Variants in ATP8A1 observed in about 807,000 individuals in gnomAD.
The protein encoded by ATP8A1 is phospholipid-transporting ATPase IA.
A neutral mutation model predicts 177.7 loss-of-function variants in ATP8A1; 90 were observed. That is an observed-to-expected ratio of 0.51 (90% CI 0.43 to 0.60). The LOEUF is 0.60. Among genes scored for constraint, ATP8A1 ranks in the 20% least tolerant of loss-of-function variants. The probability of loss-of-function intolerance (pLI) is 0.00; values close to 1 mark genes in which losing one functional copy is unlikely to be tolerated. For missense variants in ATP8A1, 1,072 were observed against 1,392.8 expected, an observed-to-expected ratio of 0.77 and a Z score of 3.67; for synonymous variants, 493 against 485.9, an observed-to-expected ratio of 1.01 and a Z score of -0.19.
intron 30 of ATP8A1, among the ~76,000 whole-genome samples, chr4:42,449,368 T>C (rs755376401): frequency 8.5e-5 from 13 of 152,236 alleles, no homozygotes; most frequent in Non-Finnish European, 1.3e-4. Flanking sequence ...TGAAACCTAG[T>C]GCATGACGGT....
At chr4:42,570,205 A>G (rs1731765895) in intron 14 of ATP8A1, among the ~76,000 whole-genome samples, 2 of 152,222 alleles carry the variant, frequency 1.3e-5, no homozygotes. Context: ...CTTCCAGTGC[A>G]GTATCCACTA....
rs111964223 is a variant in ATP8A1 at position 42,578,205 on chromosome 4, T to C, written c.1128+55A>G. On this transcript the variant is annotated intron_variant, in intron 12 of 36. Transcript: ENST00000381668. ...CCTTTTTTCTCCTGAGATATCAAAA[T>C]ATCCTAAGGACAAAATTATTTTGTA... is the stretch of plus-strand genomic sequence containing the variant. 7.5e-4 allele frequency: 1,090 copies of C among 1,459,274 alleles called. 16 individuals are homozygous for C. The African/African-American group carries it at 0.013, about 18-fold the overall frequency. The allele number at this position is 1,459,274 out of a possible 1,614,324, so 90.4% of individuals were successfully genotyped here.
intron 5 of ATP8A1, among the ~76,000 whole-genome samples, chr4:42,606,854 T>C (rs772798195): frequency 2.6e-5 from 4 of 152,206 alleles, no homozygotes; most frequent in Non-Finnish European, 5.9e-5. Context: ...TTTTATCAGA[T>C]ACAACCAGAT....
chr4:42,459,344 G>A (rs1718834006), intron 27 of ATP8A1: 1 of 168,720 alleles, frequency 5.9e-6, no homozygotes, highest in Non-Finnish European at 1.3e-5. Flanking sequence ...TTTCTCATTA[G>A]TACATAAATT....
intron 25 of ATP8A1, chr4:42,472,040 C>G (rs1578001302): frequency 2.8e-6 from 2 of 721,440 alleles, no homozygotes; most frequent in East Asian, 5.1e-5. Context: ...AAATCCAACT[C>G]TGGCTAGTAC....
intron 3 of ATP8A1, chr4:42,625,297 T>C (rs1737940840): frequency 1.1e-5 from 2 of 187,032 alleles, no homozygotes; most frequent in Admixed American, 6.1e-5. Flanking sequence ...AAGATTTAAC[T>C]TCTTGCATTC....
intron 25 of ATP8A1, chr4:42,472,088 C>T (rs1378365709): frequency 2.8e-6 from 2 of 710,572 alleles, no homozygotes; most frequent in East Asian, 2.6e-5. Context: ...AGCATGCTGT[C>T]TTTATTGCTC....
At chr4:42,436,794 C>T (rs2153172592) in intron 33 of ATP8A1, among the ~76,000 whole-genome samples, 1 of 152,286 alleles carries the variant, frequency 6.6e-6, no homozygotes, top group South Asian at 2.1e-4. Context: ...CAATAAATTA[C>T]CACATGCTAC....
chr4:42,583,987 C>T (rs532607785), intron 9 of ATP8A1, among the ~76,000 whole-genome samples: 15 of 152,248 alleles, frequency 9.9e-5, no homozygotes, highest in East Asian at 3.9e-4. Flanking sequence ...GTTCATGGAA[C>T]GATCACTCTG....
chr4:42,656,248 G>A (rs1741601486), intron 1 of ATP8A1, among the ~76,000 whole-genome samples: 1 of 152,210 alleles, frequency 6.6e-6, no homozygotes, highest in Non-Finnish European at 1.5e-5. Context: ...TCGGGCAAAA[G>A]GGAAACACAA....
chr4:42,457,961 C>T, intron 27 of ATP8A1, among the ~76,000 whole-genome samples: 1 of 152,108 alleles, frequency 6.6e-6, no homozygotes. Context: ...AAATGTATTT[C>T]CTGGATTTTT....
intron 25 of ATP8A1, among the ~76,000 whole-genome samples, chr4:42,481,832 A>C (rs1721700860): frequency 6.6e-6 from 1 of 152,244 alleles, no homozygotes; most frequent in South Asian, 2.1e-4. Flanking sequence ...ATCCGTGATC[A>C]CACCAAATCA....
At chr4:42,581,022 A>C (rs533893039) in intron 10 of ATP8A1, among the ~76,000 whole-genome samples, 1 of 152,354 alleles carries the variant, frequency 6.6e-6, no homozygotes, top group African/African-American at 2.4e-5. Flanking sequence ...GACTTGTAAT[A>C]ATCACTATAA....
At chr4:42,645,100 T>C (rs1351722844) in intron 1 of ATP8A1, among the ~76,000 whole-genome samples, 1 of 152,178 alleles carries the variant, frequency 6.6e-6, no homozygotes, top group Non-Finnish European at 1.5e-5. Flanking sequence ...AGAGTAGATA[T>C]AACACCAGCT....
chr4:42,533,125 C>T (rs1727448214), intron 20 of ATP8A1, among the ~76,000 whole-genome samples: 1 of 152,194 alleles, frequency 6.6e-6, no homozygotes, highest in Non-Finnish European at 1.5e-5. Context: ...ACCACATGAA[C>T]ATATCAGGAA....
At chr4:42,535,430 T>C (rs1727718885) in intron 20 of ATP8A1, among the ~76,000 whole-genome samples, 1 of 152,132 alleles carries the variant, frequency 6.6e-6, no homozygotes, top group African/African-American at 2.4e-5. Context: ...TAAATATATA[T>C]GCACTTAACA....
chr4:42,635,776 C>CATATATATATATATATATAT, intron 1 of ATP8A1, among the ~76,000 whole-genome samples: 1 of 37,212 alleles, frequency 2.7e-5, no homozygotes, highest in African/African-American at 1.2e-4. Context: ...CACACACACA[C>CATATATATATATATATATAT]ACACACATAT....
At position 42,472,789 on chromosome 4, in the gene ATP8A1, T is replaced by C. The variant is rs180798916; in HGVS notation, c.2325-7713A>G. On this transcript the variant is annotated intron_variant, in intron 25 of 36. Transcript: ENST00000381668. Reference sequence around the variant, plus strand: ...AGAGAGAAAAAGAAAAAAAAGAGCATGGTTGAGGCAGTTCCTAAAAACATT... The same window carrying C: ...AGAGAGAAAAAGAAAAAAAAGAGCACGGTTGAGGCAGTTCCTAAAAACATT... Among the ~76,000 whole-genome samples the C allele has an allele frequency of 3.1e-3, 434 of 140,678 alleles. 2 individuals carry two copies. Among genetic ancestry groups the C allele is most frequent in the African/African-American group, 0.011 (420 of 39,346 alleles). 92.3% of individuals were successfully genotyped at this position (140,678 alleles called of 152,430 possible).
chr4:42,539,599 A>C (rs1000882017), intron 20 of ATP8A1, among the ~76,000 whole-genome samples: 3 of 152,108 alleles, frequency 2.0e-5, no homozygotes, highest in Non-Finnish European at 2.9e-5. Flanking sequence ...TGGTACAAAA[A>C]TAGACACATA....
Sources: gnomAD v4.1 joint callset for allele counts (sites outside exome capture counted in the v4.1 genomes callset) on GRCh38, gnomAD v4.1.1 for gene constraint, MANE v1.5 for transcripts, NCBI Gene and HGNC (gene_info 2026-07-23, HGNC 2026-07-21) for gene names.